The following KRTAP13-1 variants were observed in gnomAD, a reference collection of about 807,000 sequenced individuals.
The protein encoded by KRTAP13-1 is keratin-associated protein 13-1.
For synonymous variants in KRTAP13-1, 104 were observed against 85.3 expected (o/e 1.22, Z -1.21); for missense variants, 200 against 204.8 (o/e 0.98, Z 0.14).
At position 30,396,556 on chromosome 21, in the gene KRTAP13-1, G is replaced by T; in HGVS notation, c.470G>T (p.Cys157Phe). The T allele has an allele frequency of 6.2e-7, 1 of 1,614,188 alleles. No homozygotes were observed. The highest frequency in any genetic ancestry group is 8.5e-7 in the Non-Finnish European group (1 of 1,180,036). ...CRPTYLASRS[C>F]QSSCYRPTCG... ...CCAACCTACTTGGCTTCTAGGAGCT[G>T]CCAGTCTTCTTGCTACAGACCAACT... The change falls in exon 1 of 1, where the codon TGC becomes TTC. Residue 157 changes from cysteine (C) to phenylalanine (F), a missense_variant. Coordinates refer to ENST00000355459, the MANE Select transcript of KRTAP13-1 (RefSeq NM_181599.3).
In KRTAP13-1 at chr21:30,396,214, C is replaced by T. The variant is rs1020773811; in HGVS notation, c.128C>T (p.Pro43Leu). The change falls in exon 1 of 1, where the codon CCC (proline) becomes CTC (leucine). Residue 43 changes from proline (P) to leucine (L), a missense_variant. Coordinates refer to ENST00000355459, the MANE Select transcript of KRTAP13-1 (RefSeq NM_181599.3). ...NQVYSTDLCS[P>L]STCQLGSSLY... ...GTCTACAGCACTGACCTCTGCTCTC[C>T]CAGCACGTGCCAGCTGGGTTCCTCT... is the stretch of plus-strand genomic sequence containing the variant. 16 of 1,614,086 alleles carry T rather than the reference C, an allele frequency of 9.9e-6. No individual in the cohort carries two copies. In the African/African-American group the frequency reaches 1.3e-4, roughly 13 times the overall value.
In KRTAP13-1 at chr21:30,396,737, G is replaced by T; in HGVS notation, c.*132G>T. 1.1e-6 allele frequency: 1 copy of T among 897,556 alleles called. No homozygotes were observed. Among genetic ancestry groups the T allele is most frequent in the Non-Finnish European group, 1.7e-6 (1 of 602,782 alleles). 55.6% of individuals were successfully genotyped at this position (897,556 alleles called of 1,614,324 possible). Reference sequence around the variant, plus strand: ...ATTATCAAGTTCTCAGTTTGTCTTTGTCCCCAAATACTGGCTGGCAGGCTT... The same window carrying T: ...ATTATCAAGTTCTCAGTTTGTCTTTTTCCCCAAATACTGGCTGGCAGGCTT... On this transcript the variant is annotated 3_prime_UTR_variant, in exon 1 of 1. Coordinates refer to ENST00000355459, the MANE Select transcript of KRTAP13-1 (RefSeq NM_181599.3).
rs151147550 is a variant in KRTAP13-1 at position 30,396,529 on chromosome 21, G to A, written c.443G>A (p.Arg148His). 4.6e-3 allele frequency: 7,409 copies of A among 1,614,154 alleles called. 37 individuals are homozygous for A. Among genetic ancestry groups the A allele is most frequent in the Non-Finnish European group, 5.0e-3 (5,911 of 1,180,018 alleles). ...PSLGYGVGFC[R>H]PTYLASRSCQ... ...CTGGGCTATGGCGTTGGATTCTGCC[G>A]CCCAACCTACTTGGCTTCTAGGAGC... The change falls in exon 1 of 1, where the codon CGC becomes CAC. Residue 148 changes from arginine to histidine, a missense_variant. Coordinates refer to ENST00000355459, the MANE Select transcript of KRTAP13-1 (RefSeq NM_181599.3).
Position 30,396,627 on chromosome 21 carries a change from T to G in KRTAP13-1, c.*22T>G. 1 of 1,609,668 alleles carries G rather than the reference T, an allele frequency of 6.2e-7. No individual in the cohort carries two copies. Among genetic ancestry groups the G allele is most frequent in the Non-Finnish European group, 8.5e-7 (1 of 1,177,568 alleles). On this transcript the variant is annotated 3_prime_UTR_variant, in exon 1 of 1. Transcript: ENST00000355459. ...TTGATCATCTTGTTAAATTGCTGATTTTGTTGGCTAATGCCTTCAATGCCT... is the reference window on the plus strand; with the variant it reads ...TTGATCATCTTGTTAAATTGCTGATGTTGTTGGCTAATGCCTTCAATGCCT...
rs763603199 is a variant in KRTAP13-1 at position 30,396,528 on chromosome 21, C to T, written c.442C>T (p.Arg148Cys). The T allele has an allele frequency of 3.5e-5, 56 of 1,614,068 alleles. No homozygotes were observed. In the Middle Eastern group the frequency reaches 4.9e-4, roughly 14 times the overall value. Residue 148 changes from arginine to cysteine, a missense_variant, in exon 1 of 1, where the codon CGC (arginine) becomes TGC (cysteine). By Grantham distance (180) the Arg-to-Cys change is radical. Transcript: ENST00000355459. ...CCTGGGCTATGGCGTTGGATTCTGC[C>T]GCCCAACCTACTTGGCTTCTAGGAG... The part of the protein sequence containing the change: ...PSLGYGVGFC[R>C]PTYLASRSCQ...
rs759997651 is a variant in KRTAP13-1, at chr21:30,396,290, A to G, written c.204A>G (p.Thr68=). 29 of 1,614,054 alleles carry G rather than the reference A, an allele frequency of 1.8e-5. No homozygotes were observed. The highest frequency in any genetic ancestry group is 3.3e-4 in the Middle Eastern group (2 of 6,084). The change falls in exon 1 of 1, where the codon ACA becomes ACG. Residue 68 remains threonine (T), a synonymous_variant. Coordinates refer to ENST00000355459, the MANE Select transcript of KRTAP13-1 (RefSeq NM_181599.3). The part of the protein sequence containing the change: ...QTCWEPTSCQ[T]SYVESSPCQT... ...GCTGGGAGCCCACCAGCTGCCAGAC[A>G]TCCTATGTGGAGTCCAGCCCCTGCC...
chr21:30,396,495 T>G lies in KRTAP13-1; in HGVS notation c.409T>G (p.Phe137Val). 1 of 1,614,196 alleles carries G rather than the reference T, an allele frequency of 6.2e-7. No individual in the cohort carries two copies. Among genetic ancestry groups the G allele is most frequent in the Non-Finnish European group, 8.5e-7 (1 of 1,180,016 alleles). ...FRSLGYGGCG[F>V]PSLGYGVGFC... is the part of the protein sequence containing the mutation. ...ATCCCTGGGTTATGGAGGCTGTGGC[T>G]TCCCTTCCCTGGGCTATGGCGTTGG... Residue 137 changes from phenylalanine to valine, a missense_variant, in exon 1 of 1, where the codon TTC (phenylalanine) becomes GTC (valine). Phe to Val is a conservative substitution (Grantham distance 50). Coordinates refer to ENST00000355459, the MANE Select transcript of KRTAP13-1 (RefSeq NM_181599.3).
At position 30,396,485 on chromosome 21, in the gene KRTAP13-1, A is replaced by G. The variant is rs773635083; in HGVS notation, c.399A>G (p.Gly133=). ...GTGGCTTCAGATCCCTGGGTTATGG[A>G]GGCTGTGGCTTCCCTTCCCTGGGCT... ...GSSGFRSLGY[G]GCGFPSLGYG... Residue 133 remains glycine (G), a synonymous_variant, in exon 1 of 1, where the codon GGA becomes GGG. Coordinates refer to ENST00000355459, the MANE Select transcript of KRTAP13-1 (RefSeq NM_181599.3). 1 of 1,614,162 alleles carries G rather than the reference A, an allele frequency of 6.2e-7. No homozygotes were observed. The highest frequency in any genetic ancestry group is 1.1e-5 in the South Asian group (1 of 91,080).
chr21:30,396,446 G>A lies in KRTAP13-1; in HGVS notation c.360G>A (p.Val120=). Residue 120 remains valine, a synonymous_variant, in exon 1 of 1, where the codon GTG becomes GTA. Coordinates refer to ENST00000355459, the MANE Select transcript of KRTAP13-1 (RefSeq NM_181599.3). ...ATGGATCGAGGAGCTGCTACTCAGT[G>A]GGCTGTGGGTCCAGTGGCTTCAGAT... The part of the protein sequence containing the change: ...LGYGSRSCYS[V]GCGSSGFRSL... The A allele has an allele frequency of 1.9e-6, 3 of 1,614,150 alleles. No individual in the cohort carries two copies. Among genetic ancestry groups the A allele is most frequent in the Non-Finnish European group, 2.5e-6 (3 of 1,180,032 alleles).
Position 30,396,687 on chromosome 21 carries a change from G to GAAA in KRTAP13-1, c.*83_*85dup. 8.0e-7 allele frequency: 1 copy of GAAA among 1,255,526 alleles called. No homozygotes were observed. The allele number at this position is 1,255,526 out of a possible 1,614,324, so 77.8% of individuals were successfully genotyped here. A position where few individuals can be genotyped will look rare whatever the true frequency, so the allele number is the denominator to read the frequency against. The stretch of plus-strand genomic sequence containing the variant: ...ACCTTTATTGTCTTCATCATGTACA[G>GAAA]AAAGAATTAGCCTCTTATTCTATAA... On this transcript the variant is annotated 3_prime_UTR_variant, in exon 1 of 1. Transcript: ENST00000355459.
At position 30,396,406 on chromosome 21, in the gene KRTAP13-1, G is replaced by T; in HGVS notation, c.320G>T (p.Cys107Phe). Residue 107 changes from cysteine to phenylalanine, a missense_variant, in exon 1 of 1, where the codon TGC (cysteine) becomes TTC (phenylalanine). By Grantham distance (205) the Cys-to-Phe change is radical (BLOSUM62 -2). Coordinates refer to ENST00000355459, the MANE Select transcript of KRTAP13-1 (RefSeq NM_181599.3). ...SGSLGFGSSS[C>F]RSLGYGSRSC... ...TCTCTAGGCTTTGGATCCAGCAGCT[G>T]CCGCTCCCTGGGCTATGGATCGAGG... The T allele has an allele frequency of 6.2e-7, 1 of 1,614,222 alleles. No individual in the cohort carries two copies. Among genetic ancestry groups the T allele is most frequent in the Non-Finnish European group, 8.5e-7 (1 of 1,180,038 alleles).
Position 30,396,529 on chromosome 21 carries a change from G to T in KRTAP13-1, c.443G>T (p.Arg148Leu). ...PSLGYGVGFC[R>L]PTYLASRSCQ... is the part of the protein sequence containing the mutation. ...CTGGGCTATGGCGTTGGATTCTGCC[G>T]CCCAACCTACTTGGCTTCTAGGAGC... Residue 148 changes from arginine to leucine, a missense_variant, in exon 1 of 1, where the codon CGC (arginine) becomes CTC (leucine). By Grantham distance (102) the Arg-to-Leu change is moderately radical. Transcript: ENST00000355459. The T allele has an allele frequency of 6.2e-7, 1 of 1,614,156 alleles. No individual in the cohort carries two copies. The highest frequency in any genetic ancestry group is 1.1e-5 in the South Asian group (1 of 91,086).
Position 30,396,156 on chromosome 21 carries a change from T to C in KRTAP13-1, c.70T>C (p.Ser24Pro). Residue 24 changes from serine (S) to proline (P), a missense_variant, in exon 1 of 1, where the codon TCC becomes CCC. By Grantham distance (74) the Ser-to-Pro change is moderately conservative. Coordinates refer to ENST00000355459, the MANE Select transcript of KRTAP13-1 (RefSeq NM_181599.3). ...SCGGYLHYPA[S>P]SCGFSYPSNQ... ...TGGTGGCTACCTGCACTACCCAGCC[T>C]CCTCCTGTGGCTTTTCCTACCCCAG... The C allele has an allele frequency of 6.2e-7, 1 of 1,613,414 alleles. No homozygotes were observed. Among genetic ancestry groups the C allele is most frequent in the Non-Finnish European group, 8.5e-7 (1 of 1,180,012 alleles).
chr21:30,396,363 C>A lies in KRTAP13-1; in HGVS notation c.277C>A (p.Gln93Lys). Residue 93 changes from glutamine to lysine, a missense_variant, in exon 1 of 1, where the codon CAG becomes AAG. By Grantham distance (53) the Gln-to-Lys change is moderately conservative. Coordinates refer to ENST00000355459, the MANE Select transcript of KRTAP13-1 (RefSeq NM_181599.3). ...PRTSLLCSPC[Q>K]TTYSGSLGFG... ...AACCTCCTTGCTCTGCAGTCCCTGC[C>A]AGACAACTTACTCTGGGTCTCTAGG... The A allele has an allele frequency of 6.2e-7, 1 of 1,614,206 alleles. No homozygotes were observed. Among genetic ancestry groups the A allele is most frequent in the Non-Finnish European group, 8.5e-7 (1 of 1,180,030 alleles).
rs1390671807 is a variant in KRTAP13-1 at position 30,396,493 on chromosome 21, G to C, written c.407G>C (p.Gly136Ala). The C allele has an allele frequency of 6.2e-7, 1 of 1,614,104 alleles. No individual in the cohort carries two copies. Among genetic ancestry groups the C allele is most frequent in the African/African-American group, 1.3e-5 (1 of 74,930 alleles). Reference sequence around the variant, plus strand: ...AGATCCCTGGGTTATGGAGGCTGTGGCTTCCCTTCCCTGGGCTATGGCGTT... The same window carrying C: ...AGATCCCTGGGTTATGGAGGCTGTGCCTTCCCTTCCCTGGGCTATGGCGTT... ...GFRSLGYGGC[G>A]FPSLGYGVGF... The change falls in exon 1 of 1, where the codon GGC becomes GCC. Residue 136 changes from glycine (G) to alanine (A), a missense_variant. By Grantham distance (60) the Gly-to-Ala change is moderately conservative (BLOSUM62 0). Transcript: ENST00000355459.
At position 30,396,637 on chromosome 21, in the gene KRTAP13-1, A is replaced by G; in HGVS notation, c.*32A>G. The stretch of plus-strand genomic sequence containing the variant: ...TGTTAAATTGCTGATTTTGTTGGCT[A>G]ATGCCTTCAATGCCTCTACTCATAA... On this transcript the variant is annotated 3_prime_UTR_variant, in exon 1 of 1. Transcript: ENST00000355459. 1 of 1,568,320 alleles carries G rather than the reference A, an allele frequency of 6.4e-7. No individual in the cohort carries two copies. Among genetic ancestry groups the G allele is most frequent in the Non-Finnish European group, 8.7e-7 (1 of 1,143,016 alleles).
Position 30,396,528 on chromosome 21 carries a change from C to A in KRTAP13-1, c.442C>A (p.Arg148Ser). The change falls in exon 1 of 1, where the codon CGC becomes AGC. Residue 148 changes from arginine to serine, a missense_variant. Arg to Ser is a moderately radical substitution (Grantham distance 110). Coordinates refer to ENST00000355459, the MANE Select transcript of KRTAP13-1 (RefSeq NM_181599.3). The part of the protein sequence containing the change: ...PSLGYGVGFC[R>S]PTYLASRSCQ... Reference sequence around the variant, plus strand: ...CCTGGGCTATGGCGTTGGATTCTGCCGCCCAACCTACTTGGCTTCTAGGAG... The same window carrying A: ...CCTGGGCTATGGCGTTGGATTCTGCAGCCCAACCTACTTGGCTTCTAGGAG... The A allele has an allele frequency of 6.2e-7, 1 of 1,614,188 alleles. No individual in the cohort carries two copies. The highest frequency in any genetic ancestry group is 8.5e-7 in the Non-Finnish European group (1 of 1,180,026).
In KRTAP13-1 at chr21:30,396,320, C is replaced by T. The variant is rs1983515609; in HGVS notation, c.234C>T (p.Thr78=). 1 of 1,614,222 alleles carries T rather than the reference C, an allele frequency of 6.2e-7. No individual in the cohort carries two copies. Among genetic ancestry groups the T allele is most frequent in the Non-Finnish European group, 8.5e-7 (1 of 1,180,036 alleles). The part of the protein sequence containing the change: ...TSYVESSPCQ[T]SCYRPRTSLL... ...ATGTGGAGTCCAGCCCCTGCCAGAC[C>T]TCCTGCTACCGTCCCAGAACCTCCT... The change falls in exon 1 of 1, where the codon ACC becomes ACT. Residue 78 remains threonine, a synonymous_variant. Coordinates refer to ENST00000355459, the MANE Select transcript of KRTAP13-1 (RefSeq NM_181599.3).
rs368685366 is a variant in KRTAP13-1 at position 30,396,526 on chromosome 21, G to A, written c.440G>A (p.Cys147Tyr). 2 of 1,614,210 alleles carry A rather than the reference G, an allele frequency of 1.2e-6. No homozygotes were observed. The highest frequency in any genetic ancestry group is 1.7e-6 in the Non-Finnish European group (2 of 1,180,040). The change falls in exon 1 of 1, where the codon TGC (cysteine) becomes TAC (tyrosine). Residue 147 changes from cysteine (C) to tyrosine (Y), a missense_variant. Transcript: ENST00000355459. ...FPSLGYGVGF[C>Y]RPTYLASRSC... ...TCCCTGGGCTATGGCGTTGGATTCT[G>A]CCGCCCAACCTACTTGGCTTCTAGG...
Sources: allele counts gnomAD v4.1 joint callset, GRCh38; gene constraint gnomAD v4.1.1; transcripts MANE v1.5; gene names NCBI Gene and HGNC (gene_info 2026-07-23, HGNC 2026-07-21).